The following UVRAG variants were observed in gnomAD, a reference collection of about 807,000 sequenced individuals.
The protein encoded by UVRAG is UV radiation resistance-associated gene protein.
In UVRAG, 19 loss-of-function variants were observed where a neutral mutation model predicts 78.0. The observed-to-expected ratio is 0.24, with a 90% confidence interval of 0.17 to 0.36. UVRAG has a LOEUF of 0.36. Among genes scored for constraint, UVRAG ranks in the 10% least tolerant of loss-of-function variants. The pLI is 1.00. For synonymous variants in UVRAG, 323 were observed against 324.6 expected (o/e 1.00, Z 0.05); for missense variants, 740 against 853.8 (o/e 0.87, Z 1.66).
intron 4 of UVRAG, among the ~76,000 whole-genome samples, chr11:75,881,693 AG>A (rs1412336657): frequency 6.6e-6 from 1 of 152,244 alleles, no homozygotes; most frequent in Admixed American, 6.5e-5. Context: ...CTGGGATTAC[AG>A]GCATGAGCCA....
intron 1 of UVRAG, among the ~76,000 whole-genome samples, chr11:75,844,053 G>A (rs1228027066): frequency 1.3e-5 from 2 of 151,662 alleles, no homozygotes; most frequent in Non-Finnish European, 2.9e-5. Context: ...AGAATATAAT[G>A]TGCTGATTGA....
At chr11:75,914,844 TGTTGGGC>T (rs141087148) in intron 6 of UVRAG, among the ~76,000 whole-genome samples, 4,804 of 152,220 alleles carry the variant, frequency 0.032, 255 homozygotes, top group African/African-American at 0.11. Context: ...TTCACTGTAC[TGTTGGGC>T]CACTAGGATA....
intron 5 of UVRAG, among the ~76,000 whole-genome samples, chr11:75,907,342 G>GT (rs1196786585): frequency 6.6e-6 from 1 of 151,438 alleles, no homozygotes; most frequent in African/African-American, 2.4e-5. Context: ...TTAGCTGTGG[G>GT]TTTTTTGTAG....
intron 12 of UVRAG, among the ~76,000 whole-genome samples, chr11:76,057,070 G>C (rs1053754140): frequency 1.3e-5 from 2 of 152,250 alleles, no homozygotes; most frequent in African/African-American, 4.8e-5. Context: ...AGCATAGTGA[G>C]TGCCAAGGAG....
chr11:76,121,566 T>C (rs534905597), intron 14 of UVRAG, among the ~76,000 whole-genome samples: 12 of 152,346 alleles, frequency 7.9e-5, no homozygotes, highest in Non-Finnish European at 1.8e-4. Context: ...ACAACAAGTT[T>C]AGAACTGAGT....
chr11:76,077,027 A>C (rs975613689), intron 13 of UVRAG, among the ~76,000 whole-genome samples: 4 of 150,448 alleles, frequency 2.7e-5, no homozygotes, highest in Non-Finnish European at 5.9e-5. Context: ...AAAAAAAAAA[A>C]AGATGTCTAT....
chr11:75,949,717 A>G (rs1948651005), intron 6 of UVRAG, among the ~76,000 whole-genome samples: 1 of 144,014 alleles, frequency 6.9e-6, no homozygotes, highest in East Asian at 2.0e-4. Context: ...ATATATATAC[A>G]CACACACACA....
intron 13 of UVRAG, among the ~76,000 whole-genome samples, chr11:76,086,314 C>G (rs1951588365): frequency 6.6e-6 from 1 of 152,204 alleles, no homozygotes; most frequent in Non-Finnish European, 1.5e-5. Context: ...GATTTTCCCA[C>G]AACCTTTTAC....
At chr11:75,950,000 T>A (rs1390455676) in intron 6 of UVRAG, among the ~76,000 whole-genome samples, 2 of 152,296 alleles carry the variant, frequency 1.3e-5, no homozygotes, top group Non-Finnish European at 2.9e-5. Flanking sequence ...AGTGGAGTCA[T>A]ACGGGGCACT....
intron 9 of UVRAG, among the ~76,000 whole-genome samples, chr11:76,004,949 C>T (rs1009217095): frequency 6.6e-6 from 1 of 152,148 alleles, no homozygotes; most frequent in East Asian, 1.9e-4. Context: ...ATGCTTAATT[C>T]GTTGGTACCT....
chr11:75,934,458 A>G (rs1023657881), intron 6 of UVRAG, among the ~76,000 whole-genome samples: 1 of 152,126 alleles, frequency 6.6e-6, no homozygotes, highest in South Asian at 2.1e-4. Context: ...CAAGATGACT[A>G]TAGTAAAAAA....
In UVRAG at chr11:76,065,763, A is replaced by G. The variant is rs753220667; in HGVS notation, c.1280A>G (p.Tyr427Cys). The G allele has an allele frequency of 3.1e-6, 5 of 1,613,806 alleles. No homozygotes were observed. In the African/African-American group the frequency reaches 5.3e-5, roughly 17 times the overall value. The change falls in exon 13 of 15, where the codon TAT (tyrosine) becomes TGT (cysteine). Residue 427 changes from tyrosine to cysteine, a missense_variant. Tyr to Cys is a radical substitution (Grantham distance 194). Coordinates refer to ENST00000356136, the MANE Select transcript of UVRAG (RefSeq NM_003369.4). Reference sequence around the variant, plus strand: ...AAGTTGCAGTTTGATTATGGTGTCTATCTTCTGAACAAAAATATAGCACAG... The same window carrying G: ...AAGTTGCAGTTTGATTATGGTGTCTGTCTTCTGAACAAAAATATAGCACAG... ...GEKLQFDYGVYLLNKNIAQLR... is the reference protein window; with the variant it reads ...GEKLQFDYGVCLLNKNIAQLR...
intron 14 of UVRAG, among the ~76,000 whole-genome samples, chr11:76,119,111 C>T (rs1213506534): frequency 6.6e-6 from 1 of 152,154 alleles, no homozygotes; most frequent in Admixed American, 6.5e-5. Flanking sequence ...TTTTATCTAG[C>T]TTGGTGCCTA....
rs1047738263 is a variant in UVRAG, at chr11:75,833,429, T to A, written c.117+17905T>A. Among the ~76,000 whole-genome samples the A allele has an allele frequency of 1.8e-4, 28 of 152,226 alleles. 1 individual carries two copies. Among genetic ancestry groups the A allele is most frequent in the Admixed American group, 1.4e-3 (21 of 15,284 alleles). ...ATAATTTTATGTGAATCATTTAAAG[T>A]TGTTACATACATCATGACCCTTTAC... On this transcript the variant is annotated intron_variant, in intron 1 of 14. Transcript: ENST00000356136.
At chr11:75,956,521 G>A (rs1369033706) in intron 6 of UVRAG, among the ~76,000 whole-genome samples, 2 of 151,972 alleles carry the variant, frequency 1.3e-5, no homozygotes, top group Non-Finnish European at 2.9e-5. Context: ...AAGTAGCTGG[G>A]ACTACGGGCG....
chr11:75,920,008 GTTTTTTTTTTTTTTT>G (rs140217190), intron 6 of UVRAG, among the ~76,000 whole-genome samples: 31 of 55,496 alleles, frequency 5.6e-4, no homozygotes, highest in Admixed American at 1.4e-3. Context: ...AATAATTTTG[GTTTTTTTTTTTTTTT>G]TTTTTTTTTT....
At chr11:76,097,211 A>C (rs976847256) in intron 13 of UVRAG, among the ~76,000 whole-genome samples, 4 of 152,130 alleles carry the variant, frequency 2.6e-5, no homozygotes, top group African/African-American at 7.2e-5. Flanking sequence ...GTCATCAGGC[A>C]TGCTCATGAC....
intron 4 of UVRAG, among the ~76,000 whole-genome samples, chr11:75,883,520 T>C (rs1947001142): frequency 6.6e-6 from 1 of 152,210 alleles, no homozygotes; most frequent in Non-Finnish European, 1.5e-5. Context: ...AATAGAGTTA[T>C]AAAGTTTTGG....
chr11:75,918,382 A>G (rs1481953261), intron 6 of UVRAG, among the ~76,000 whole-genome samples: 1 of 151,200 alleles, frequency 6.6e-6, no homozygotes, highest in Non-Finnish European at 1.5e-5. Context: ...CGTCTCAGAA[A>G]AAAAAAAAAA....
Sources: allele counts gnomAD v4.1 joint callset (sites outside exome capture counted in the v4.1 genomes callset), GRCh38; gene constraint gnomAD v4.1.1; transcripts MANE v1.5; gene names NCBI Gene and HGNC (gene_info 2026-07-23, HGNC 2026-07-21).